The following CTNND2 variants were observed in gnomAD, a reference collection of about 807,000 sequenced individuals.
CTNND2 encodes the protein catenin delta-2.
In CTNND2, 22 loss-of-function variants were observed where a neutral mutation model predicts 144.4. The ratio of observed to expected loss-of-function variants is 0.15; its 90% CI spans 0.11 to 0.22. The LOEUF is 0.22. CTNND2 is among the 10% of genes least tolerant of loss of function. The pLI, the probability that CTNND2 is intolerant of heterozygous loss-of-function variation, is 1.00. For synonymous variants in CTNND2, 751 were observed against 695.6 expected, an observed-to-expected ratio of 1.08 and a Z score of -1.25; for missense variants, 1,353 against 1,618.8, an observed-to-expected ratio of 0.84 and a Z score of 2.82.
intron 1 of CTNND2, among the ~76,000 whole-genome samples, chr5:11,785,730 T>A (rs545281485): frequency 6.6e-5 from 10 of 152,230 alleles, no homozygotes; most frequent in Non-Finnish European, 1.2e-4. Flanking sequence ...ATTTGGAGGC[T>A]GGGTTACTAG....
chr5:11,467,452 C>T (rs1012949693), intron 3 of CTNND2, among the ~76,000 whole-genome samples: 2 of 152,182 alleles, frequency 1.3e-5, no homozygotes, highest in South Asian at 2.1e-4. Flanking sequence ...TGGAGATGAA[C>T]GGTTATACTC....
intron 14 of CTNND2, 128 bp from the exon 15 acceptor site, chr5:11,098,876 G>A (rs1580279820): frequency 3.9e-6 from 3 of 766,366 alleles, no homozygotes; most frequent in East Asian, 2.7e-5. Flanking sequence ...TAGACTGCAC[G>A]GAGGCTATTG....
At chr5:11,727,531 T>C (rs1478336268) in intron 2 of CTNND2, among the ~76,000 whole-genome samples, 2 of 152,170 alleles carry the variant, frequency 1.3e-5, no homozygotes, top group Non-Finnish European at 2.9e-5. Context: ...TTTTTTTTCA[T>C]TTCTAATCCA....
At chr5:11,779,424 T>C (rs572171785) in intron 1 of CTNND2, among the ~76,000 whole-genome samples, 1 of 152,202 alleles carries the variant, frequency 6.6e-6, no homozygotes, top group Non-Finnish European at 1.5e-5. Context: ...CAAACAGGTA[T>C]GGAAGCAAGC....
At chr5:11,639,243 A>G (rs1259314845) in intron 2 of CTNND2, among the ~76,000 whole-genome samples, 1 of 152,140 alleles carries the variant, frequency 6.6e-6, no homozygotes, top group Non-Finnish European at 1.5e-5. Flanking sequence ...GCAAGTCCAC[A>G]ATGTCAATAA....
At position 11,117,538 on chromosome 5, in the gene CTNND2, C is replaced by T; in HGVS notation, c.2189G>A (p.Arg730His). The change falls in exon 13 of 22, where the codon CGC becomes CAC. Residue 730 changes from arginine (R) to histidine (H), a missense_variant. Arg to His is a conservative substitution (Grantham distance 29, BLOSUM62 0). Coordinates refer to ENST00000304623, the MANE Select transcript of CTNND2 (RefSeq NM_001332.4). ...CCCATCACACTCTCTCATCCTTCTGCGGGCCTCCTCTCCGGCCGAACTAAC... is the reference window on the plus strand; with the variant it reads ...CCCATCACACTCTCTCATCCTTCTGTGGGCCTCCTCTCCGGCCGAACTAAC... ...RNVSSAGEEA[R>H]RRMRECDGLT... 3 of 1,614,096 alleles carry T rather than the reference C, an allele frequency of 1.9e-6. No homozygotes were observed. Among genetic ancestry groups the T allele is most frequent in the Admixed American group, 1.7e-5 (1 of 60,022 alleles).
chr5:11,098,141 CTTTT>C (rs1434593441), intron 15 of CTNND2, among the ~76,000 whole-genome samples: 1 of 152,068 alleles, frequency 6.6e-6, no homozygotes, highest in Non-Finnish European at 1.5e-5. Flanking sequence ...CTTTTCTTTT[CTTTT>C]CTTTTCTTTT....
intron 16 of CTNND2, among the ~76,000 whole-genome samples, chr5:11,056,175 T>C (rs551669975): frequency 4.6e-5 from 7 of 152,320 alleles, no homozygotes; most frequent in African/African-American, 1.7e-4. Context: ...GAATAAATGT[T>C]TCACATTTCA....
intron 3 of CTNND2, among the ~76,000 whole-genome samples, chr5:11,428,614 G>A (rs971802316): frequency 1.3e-5 from 2 of 152,230 alleles, no homozygotes; most frequent in Non-Finnish European, 2.9e-5. Flanking sequence ...GGGAAGCTCT[G>A]TTCCTGGTAC....
At chr5:11,754,888 A>G (rs1339100315) in intron 1 of CTNND2, among the ~76,000 whole-genome samples, 1 of 151,634 alleles carries the variant, frequency 6.6e-6, no homozygotes, top group Non-Finnish European at 1.5e-5. Context: ...TTGCTTCTTT[A>G]TACAATTTGC....
chr5:11,587,461 C>A (rs1778949322), intron 2 of CTNND2, among the ~76,000 whole-genome samples: 1 of 151,956 alleles, frequency 6.6e-6, no homozygotes. Context: ...CTTTCTTCCT[C>A]AGTTTCTTTA....
At position 11,137,143 on chromosome 5, in the gene CTNND2, C is replaced by T. The variant is rs1398145645; in HGVS notation, c.2160-19576G>A. 2.0e-5 allele frequency among the ~76,000 whole-genome samples: 3 copies of T among 152,214 alleles called. No homozygotes were observed. In the East Asian group the frequency reaches 5.8e-4, roughly 29 times the overall value. On this transcript the variant is annotated intron_variant, in intron 12 of 21. Coordinates refer to ENST00000304623, the MANE Select transcript of CTNND2 (RefSeq NM_001332.4). ...AAGACATACTATTGTATCTCTAATCCAATTCCATAAATAACATACTTATTC... is the reference window on the plus strand; with the variant it reads ...AAGACATACTATTGTATCTCTAATCTAATTCCATAAATAACATACTTATTC...
chr5:11,011,642 C>A (rs1741094468), intron 18 of CTNND2, among the ~76,000 whole-genome samples: 1 of 152,186 alleles, frequency 6.6e-6, no homozygotes. Flanking sequence ...AAATCATCTA[C>A]CACTTTAACA....
At chr5:11,205,849 A>C (rs1737986896) in intron 10 of CTNND2, among the ~76,000 whole-genome samples, 1 of 152,204 alleles carries the variant, frequency 6.6e-6, no homozygotes, top group Non-Finnish European at 1.5e-5. Flanking sequence ...TGTGTTTTCG[A>C]GAGAAAGCAC....
At chr5:11,124,575 G>A (rs1401312143) in intron 12 of CTNND2, among the ~76,000 whole-genome samples, 3 of 152,026 alleles carry the variant, frequency 2.0e-5, no homozygotes, top group Non-Finnish European at 2.9e-5. Flanking sequence ...CAGGCTTTGC[G>A]GGCCACACAG....
chr5:11,718,191 T>C (rs563019308), intron 2 of CTNND2, among the ~76,000 whole-genome samples: 1 of 152,300 alleles, frequency 6.6e-6, no homozygotes, highest in East Asian at 1.9e-4. Flanking sequence ...GCCCTTTCCA[T>C]TGAATCCAAA....
intron 12 of CTNND2, among the ~76,000 whole-genome samples, chr5:11,123,750 G>A (rs994326127): frequency 1.4e-4 from 22 of 152,222 alleles, no homozygotes; most frequent in Non-Finnish European, 2.4e-4. Context: ...TGATGAGAAC[G>A]CATTCCAAAG....
At chr5:11,701,261 C>G (rs760420550) in intron 2 of CTNND2, among the ~76,000 whole-genome samples, 2 of 152,172 alleles carry the variant, frequency 1.3e-5, no homozygotes, top group Non-Finnish European at 2.9e-5. Context: ...AAAACCCTAG[C>G]ACTACCCCAT....
intron 2 of CTNND2, among the ~76,000 whole-genome samples, chr5:11,631,398 T>G (rs1283925333): frequency 6.6e-6 from 1 of 152,264 alleles, no homozygotes; most frequent in Middle Eastern, 3.4e-3. Flanking sequence ...CTATAAAAAT[T>G]TTCTTATTAT....
Sources: allele counts gnomAD v4.1 joint callset (sites outside exome capture counted in the v4.1 genomes callset), GRCh38; gene constraint gnomAD v4.1.1; transcripts MANE v1.5; gene names NCBI Gene and HGNC (gene_info 2026-07-23, HGNC 2026-07-21).